Variants in RAB3C observed in about 807,000 individuals in gnomAD.
The protein encoded by RAB3C is RAB3C, member RAS oncogene family.
A neutral mutation model predicts 26.4 loss-of-function variants in RAB3C; 17 were observed. The ratio of observed to expected loss-of-function variants is 0.64; its 90% CI spans 0.44 to 0.97. RAB3C has a LOEUF of 0.97. RAB3C is among the 50% of genes least tolerant of loss of function. The pLI, the probability that RAB3C is intolerant of heterozygous loss-of-function variation, is 0.00. For missense variants in RAB3C, 242 were observed against 281.9 expected (o/e 0.86, Z 1.01); for synonymous variants, 91 against 95.9 (o/e 0.95, Z 0.30).
intron 2 of RAB3C, among the ~76,000 whole-genome samples, chr5:58,643,355 A>T (rs1451017324): frequency 1.3e-5 from 2 of 152,264 alleles, no homozygotes; most frequent in African/African-American, 4.8e-5. Flanking sequence ...ATTTAGGATA[A>T]ATGACATAAG....
At chr5:58,727,288 A>G (rs1740912196) in intron 3 of RAB3C, among the ~76,000 whole-genome samples, 2 of 151,988 alleles carry the variant, frequency 1.3e-5, no homozygotes, top group Non-Finnish European at 2.9e-5. Context: ...ACACACACAC[A>G]CACAGTTACA....
intron 2 of RAB3C, among the ~76,000 whole-genome samples, chr5:58,720,417 G>C (rs917319953): frequency 6.6e-6 from 1 of 151,846 alleles, no homozygotes; most frequent in African/African-American, 2.4e-5. Flanking sequence ...AAAATATACT[G>C]AGCATAATTT....
chr5:58,813,396 C>T (rs898398017), intron 3 of RAB3C, among the ~76,000 whole-genome samples: 1 of 151,784 alleles, frequency 6.6e-6, no homozygotes, highest in South Asian at 2.1e-4. Context: ...ATTTAGGCCT[C>T]CAGTCTGCCT....
At chr5:58,734,914 T>G (rs1480720804) in intron 3 of RAB3C, among the ~76,000 whole-genome samples, 1 of 152,266 alleles carries the variant, frequency 6.6e-6, no homozygotes, top group Admixed American at 6.5e-5. Context: ...GCTGTTGTCC[T>G]GCAAGCCTCC....
intron 3 of RAB3C, among the ~76,000 whole-genome samples, chr5:58,786,105 C>A (rs1742374441): frequency 6.6e-6 from 1 of 152,210 alleles, no homozygotes; most frequent in Non-Finnish European, 1.5e-5. Context: ...AATAGACTTG[C>A]AACATTTCAA....
At chr5:58,768,647 T>C (rs1741959820) in intron 3 of RAB3C, among the ~76,000 whole-genome samples, 1 of 151,790 alleles carries the variant, frequency 6.6e-6, no homozygotes, top group Non-Finnish European at 1.5e-5. Flanking sequence ...GGGGATCATA[T>C]GAAGATTATG....
At chr5:58,629,999 A>T (rs1304296566) in intron 2 of RAB3C, among the ~76,000 whole-genome samples, 1 of 152,186 alleles carries the variant, frequency 6.6e-6, no homozygotes, top group Non-Finnish European at 1.5e-5. Context: ...GTTGTGGGTC[A>T]AAGTTCTGCT....
chr5:58,696,441 A>G (rs1444345709), intron 2 of RAB3C, among the ~76,000 whole-genome samples: 1 of 152,228 alleles, frequency 6.6e-6, no homozygotes, highest in Non-Finnish European at 1.5e-5. Flanking sequence ...GTCTCATAAA[A>G]TGAGTTAGGG....
rs1476362264 is a variant in RAB3C, at chr5:58,856,736, T to C, written c.*5385T>C. ...ATGCTGTTCTTACAGACACAGATGG[T>C]ACCTGAGCCCCTCAGACACCTGCCC... On this transcript the variant is annotated 3_prime_UTR_variant, in exon 5 of 5. Transcript: ENST00000282878. The C allele has an allele frequency of 1.3e-5, 2 of 152,226 alleles. No individual in the cohort carries two copies. Among genetic ancestry groups the C allele is most frequent in the African/African-American group, 4.8e-5 (2 of 41,464 alleles). 9.4% of individuals were successfully genotyped at this position (152,226 alleles called of 1,614,324 possible). A position where few individuals can be genotyped will look rare whatever the true frequency, so the allele number is the denominator to read the frequency against.
intron 4 of RAB3C, among the ~76,000 whole-genome samples, chr5:58,839,377 A>T (rs907691314): frequency 1.3e-5 from 2 of 149,160 alleles, no homozygotes; most frequent in African/African-American, 5.0e-5. Context: ...TTATTTATTT[A>T]TTTATTTTTT....
chr5:58,586,737 A>C (rs756676102), intron 1 of RAB3C, among the ~76,000 whole-genome samples: 6 of 152,128 alleles, frequency 3.9e-5, no homozygotes, highest in Non-Finnish European at 8.8e-5. Context: ...GAGTGCCAAA[A>C]AAAAATGTTT....
At position 58,712,672 on chromosome 5, in the gene RAB3C, G is replaced by C. The variant is rs960242927; in HGVS notation, c.253-13330G>C. ...CCCAAGTAGCTGGGATTACAGGCAT[G>C]TGCCATGATGCCCGGCTAATTTTTG... On this transcript the variant is annotated intron_variant, in intron 2 of 4. Coordinates refer to ENST00000282878, the MANE Select transcript of RAB3C (RefSeq NM_138453.4). 6.6e-5 allele frequency among the ~76,000 whole-genome samples: 10 copies of C among 152,020 alleles called. 1 individual carries two copies. Among genetic ancestry groups the C allele is most frequent in the Admixed American group, 6.6e-4 (10 of 15,256 alleles).
At chr5:58,703,645 T>G (rs1748891577) in intron 2 of RAB3C, among the ~76,000 whole-genome samples, 1 of 152,136 alleles carries the variant, frequency 6.6e-6, no homozygotes, top group Non-Finnish European at 1.5e-5. Context: ...CAAAGTGAGG[T>G]CCACCGTGCA....
chr5:58,750,515 G>A (rs1025305157), intron 3 of RAB3C, among the ~76,000 whole-genome samples: 1 of 152,210 alleles, frequency 6.6e-6, no homozygotes, highest in Non-Finnish European at 1.5e-5. Flanking sequence ...TTCAGCCACT[G>A]TTTAAAATAG....
chr5:58,640,205 C>T (rs762995317), intron 2 of RAB3C, among the ~76,000 whole-genome samples: 1 of 152,188 alleles, frequency 6.6e-6, no homozygotes, highest in East Asian at 1.9e-4. Flanking sequence ...TGAAGTCAAG[C>T]TCATTCTGGC....
At chr5:58,614,622 G>C (rs957690842) in intron 1 of RAB3C, among the ~76,000 whole-genome samples, 1 of 151,234 alleles carries the variant, frequency 6.6e-6, no homozygotes, top group Non-Finnish European at 1.5e-5. Context: ...CCCCTCTTTT[G>C]CCCCCATTAC....
intron 2 of RAB3C, among the ~76,000 whole-genome samples, chr5:58,715,816 T>C (rs989205320): frequency 3.9e-5 from 6 of 152,106 alleles, no homozygotes; most frequent in South Asian, 4.1e-4. Flanking sequence ...AAGGGAAGCT[T>C]GCCAATCAGG....
At chr5:58,786,602 C>T (rs767096523) in intron 3 of RAB3C, among the ~76,000 whole-genome samples, 4 of 152,032 alleles carry the variant, frequency 2.6e-5, no homozygotes, top group Non-Finnish European at 5.9e-5. Context: ...TAAATTATCC[C>T]AAATGTTTGA....
At chr5:58,679,897 C>T (rs1748311484) in intron 2 of RAB3C, among the ~76,000 whole-genome samples, 1 of 152,092 alleles carries the variant, frequency 6.6e-6, no homozygotes, top group Non-Finnish European at 1.5e-5. Flanking sequence ...GTTTGATTTT[C>T]AGTGCGGAAA....
Sources: allele counts gnomAD v4.1 joint callset (sites outside exome capture counted in the v4.1 genomes callset), GRCh38; gene constraint gnomAD v4.1.1; transcripts MANE v1.5; gene names NCBI Gene and HGNC (gene_info 2026-07-23, HGNC 2026-07-21).